SSBP2: variants seen among roughly 807,000 people sequenced by gnomAD.
SSBP2 encodes the protein single-stranded DNA-binding protein 2.
SSBP2 carries 17 observed loss-of-function variants against 61.8 expected under a neutral mutation model. The ratio of observed to expected loss-of-function variants is 0.28; its 90% confidence interval spans 0.19 to 0.41. The LOEUF is 0.41. Ranked by LOEUF, SSBP2 falls within the 10% of genes least tolerant of loss-of-function variation. The pLI is 1.00. For missense variants in SSBP2, 310 were observed against 458.7 expected, an observed-to-expected ratio of 0.68 and a Z score of 2.96; for synonymous variants, 139 against 141.3, an observed-to-expected ratio of 0.98 and a Z score of 0.12.
At chr5:81,510,402 C>T (rs983701462) in intron 5 of SSBP2, among the ~76,000 whole-genome samples, 5 of 152,166 alleles carry the variant, frequency 3.3e-5, no homozygotes, top group Admixed American at 3.3e-4. Context: ...ATTTCTGTCT[C>T]TCAAATCTAC....
At chr5:81,443,287 A>G (rs1225058561) in intron 12 of SSBP2, 2 of 152,126 alleles carry the variant, frequency 1.3e-5, no homozygotes, top group Admixed American at 6.5e-5. Flanking sequence ...TTCTGATGAA[A>G]TGTTTTTACT....
chr5:81,592,539 C>G (rs201478822), intron 4 of SSBP2, among the ~76,000 whole-genome samples: 3 of 152,212 alleles, frequency 2.0e-5, no homozygotes, highest in Non-Finnish European at 4.4e-5. Flanking sequence ...GGGCAGACTG[C>G]CTCCTCAAGT....
intron 5 of SSBP2, among the ~76,000 whole-genome samples, chr5:81,491,827 A>G (rs1454131599): frequency 1.3e-5 from 2 of 152,238 alleles, no homozygotes; most frequent in African/African-American, 4.8e-5. Context: ...TACCTGAAAT[A>G]TAAGATTACT....
At chr5:81,541,440 A>T (rs1286209072) in intron 4 of SSBP2, among the ~76,000 whole-genome samples, 2 of 151,468 alleles carry the variant, frequency 1.3e-5, no homozygotes, top group East Asian at 3.9e-4. Flanking sequence ...ATATAGCACC[A>T]AAAAAGAGCC....
chr5:81,594,545 T>C (rs1051695715), intron 4 of SSBP2, among the ~76,000 whole-genome samples: 2 of 152,176 alleles, frequency 1.3e-5, no homozygotes, highest in African/African-American at 2.4e-5. Context: ...ATACATTCTT[T>C]TCAGCACCAC....
At chr5:81,456,602 AAAAAAG>A (rs1437579211) in intron 10 of SSBP2, among the ~76,000 whole-genome samples, 1 of 152,160 alleles carries the variant, frequency 6.6e-6, no homozygotes, top group East Asian at 1.9e-4. Context: ...AAAAAGAAAA[AAAAAAG>A]AAAAATTACA....
At chr5:81,453,138 C>CA (rs879562644) in intron 10 of SSBP2, among the ~76,000 whole-genome samples, 25 of 147,942 alleles carry the variant, frequency 1.7e-4, no homozygotes, top group Middle Eastern at 3.4e-3. Flanking sequence ...CTATAAAAAA[C>CA]AAAAAAAAAA....
chr5:81,602,646 C>T (rs1744479986), intron 4 of SSBP2, among the ~76,000 whole-genome samples: 1 of 152,140 alleles, frequency 6.6e-6, no homozygotes, highest in South Asian at 2.1e-4. Context: ...TGCTCTGAGG[C>T]CCTTTTTTGC....
At chr5:81,593,486 G>A (rs891760291) in intron 4 of SSBP2, among the ~76,000 whole-genome samples, 2 of 152,170 alleles carry the variant, frequency 1.3e-5, no homozygotes, top group African/African-American at 4.8e-5. Context: ...AGGAAATACA[G>A]AGAACGCCAC....
intron 8 of SSBP2, among the ~76,000 whole-genome samples, chr5:81,472,505 T>A (rs1765315169): frequency 6.6e-6 from 1 of 152,228 alleles, no homozygotes; most frequent in African/African-American, 2.4e-5. Context: ...AATATGATTG[T>A]AAAGAATAAA....
rs114512654 is a variant in SSBP2, at chr5:81,735,519, T to A, written c.62+15462A>T. Among the ~76,000 whole-genome samples, 499 of 152,294 alleles carry A rather than the reference T, an allele frequency of 3.3e-3. 2 individuals carry two copies. The highest frequency in any genetic ancestry group is 0.012 in the African/African-American group (479 of 41,554). On this transcript the variant is annotated intron_variant, in intron 1 of 16. Transcript: ENST00000320672. Reference sequence around the variant, plus strand: ...TCTCTAGATTACTTACAACACCTAATATAAATGCTATGTAAACAGTTCTTA... The same window carrying A: ...TCTCTAGATTACTTACAACACCTAAAATAAATGCTATGTAAACAGTTCTTA...
At chr5:81,454,307 T>C (rs544689651) in intron 10 of SSBP2, among the ~76,000 whole-genome samples, 2 of 152,190 alleles carry the variant, frequency 1.3e-5, no homozygotes, top group East Asian at 3.9e-4. Context: ...TTCCAGTCAA[T>C]GGAAAGGGAC....
rs560376272 is a variant in SSBP2 at position 81,414,121 on chromosome 5, G to C, written c.*6383C>G. ...TGAAATGCTAAATATGTTAGAAACA[G>C]ATCACAACATTTTAATGACTGGGAT... On this transcript the variant is annotated 3_prime_UTR_variant, in exon 17 of 17. Transcript: ENST00000320672. 5.3e-5 allele frequency: 8 copies of C among 152,194 alleles called. No homozygotes were observed. The highest frequency in any genetic ancestry group is 1.9e-4 in the African/African-American group (8 of 41,544). The allele number at this position is 152,194 out of a possible 1,614,324, so 9.4% of individuals were successfully genotyped here.
chr5:81,474,209 C>G (rs1041747789), intron 7 of SSBP2, among the ~76,000 whole-genome samples: 7 of 152,166 alleles, frequency 4.6e-5, no homozygotes, highest in African/African-American at 1.7e-4. Context: ...GTGATATTAT[C>G]ACTTAGCTTC....
intron 2 of SSBP2, among the ~76,000 whole-genome samples, chr5:81,638,689 T>C (rs1748495083): frequency 6.6e-6 from 1 of 152,164 alleles, no homozygotes; most frequent in Non-Finnish European, 1.5e-5. Flanking sequence ...ATAAAAATAT[T>C]CAAAGTATTT....
chr5:81,609,644 G>C (rs1196915212), intron 4 of SSBP2, among the ~76,000 whole-genome samples: 1 of 152,120 alleles, frequency 6.6e-6, no homozygotes, highest in Non-Finnish European at 1.5e-5. Flanking sequence ...CCAAGCCAAA[G>C]ACAGTTTAAA....
intron 1 of SSBP2, among the ~76,000 whole-genome samples, chr5:81,673,333 A>ATATATT (rs1419382988): frequency 6.6e-6 from 1 of 152,180 alleles, no homozygotes; most frequent in Non-Finnish European, 1.5e-5. Context: ...GAGCTAACTA[A>ATATATT]TATATTTATA....
chr5:81,729,363 A>T (rs540021898), intron 1 of SSBP2, among the ~76,000 whole-genome samples: 1 of 152,348 alleles, frequency 6.6e-6, no homozygotes, highest in East Asian at 1.9e-4. Context: ...ATTATAAAAC[A>T]ATGTGAAACA....
chr5:81,582,538 ATCT>A (rs1561564209), intron 4 of SSBP2, among the ~76,000 whole-genome samples: 1 of 152,198 alleles, frequency 6.6e-6, no homozygotes, highest in Non-Finnish European at 1.5e-5. Context: ...CTGAAGAAAA[ATCT>A]TCAATAATTG....
Sources: allele counts gnomAD v4.1 joint callset (sites outside exome capture counted in the v4.1 genomes callset), GRCh38; gene constraint gnomAD v4.1.1; transcripts MANE v1.5; gene names NCBI Gene and HGNC (gene_info 2026-07-23, HGNC 2026-07-21).